Variants in ZDHHC13 observed in about 807,000 individuals in gnomAD.
ZDHHC13 encodes zDHHC palmitoyltransferase 13, also known as palmitoyltransferase ZDHHC13.
Under a neutral mutation model 86.0 loss-of-function variants are expected in ZDHHC13, and 85 were observed. That is an observed-to-expected ratio of 0.99 (90% CI 0.83 to 1.18). The LOEUF is 1.18. Among genes scored for constraint, ZDHHC13 ranks in the 50% most tolerant of loss-of-function variants. The pLI is 0.00. For synonymous variants in ZDHHC13, 263 were observed against 246.4 expected, an observed-to-expected ratio of 1.07 and a Z score of -0.63; for missense variants, 711 against 730.2, an observed-to-expected ratio of 0.97 and a Z score of 0.30.
chr11:19,163,494 C>G (rs1724267044), intron 11 of ZDHHC13, 67 bp downstream of exon 11: 1 of 1,440,954 alleles, frequency 6.9e-7, no homozygotes, highest in Non-Finnish European at 9.1e-7. Flanking sequence ...TTTATATGCA[C>G]ATATGCAGAT....
In ZDHHC13 at chr11:19,141,868, G is replaced by C. The variant is rs370091905; in HGVS notation, c.28-1110G>C. ...TCCGAATGTAACATTTGTTGATTCA[G>C]CTAGTGGGACTATCTTGGCAGTCAT... On this transcript the variant is annotated intron_variant, in intron 1 of 16. Coordinates refer to ENST00000446113, the MANE Select transcript of ZDHHC13 (RefSeq NM_019028.3). Among the ~76,000 whole-genome samples the C allele has an allele frequency of 1.6e-4, 24 of 152,186 alleles. 1 individual carries two copies. The East Asian group carries it at 2.5e-3, about 16-fold the overall frequency.
At chr11:19,146,425 C>T (rs552240817) in intron 3 of ZDHHC13, 122 bp downstream of exon 3, 1 of 1,164,356 alleles carries the variant, frequency 8.6e-7, no homozygotes, top group African/African-American at 1.6e-5. Context: ...ACACCCGAAA[C>T]TTTTTCTGCC....
chr11:19,150,702 T>C (rs765897570), intron 5 of ZDHHC13, 25 bp from the exon 6 acceptor site: 11 of 1,590,730 alleles, frequency 6.9e-6, no homozygotes, highest in Non-Finnish European at 9.5e-6. Flanking sequence ...TTTACAGTTA[T>C]GCTAATTGTC....
chr11:19,159,005 G>A lies in ZDHHC13; in HGVS notation c.1073G>A (p.Trp358Ter), dbSNP rs1239126649. 6 of 1,547,868 alleles carry A rather than the reference G, an allele frequency of 3.9e-6. No individual in the cohort carries two copies. Among genetic ancestry groups the A allele is most frequent in the Non-Finnish European group, 5.2e-6 (6 of 1,145,310 alleles). Reference sequence around the variant, plus strand: ...GCCTTTCTGCTAAGTTCTGTTTTTTGGATATTTATGACTTGGTTCATCTTA... The same window carrying A: ...GCCTTTCTGCTAAGTTCTGTTTTTTAGATATTTATGACTTGGTTCATCTTA... ...PTAFLLSSVF[W>*]IFMTWFILFF... The change falls in exon 10 of 17, where the codon TGG becomes TAG. Residue 358 changes from tryptophan to a stop codon, truncating the protein, a stop_gained. Coordinates refer to ENST00000446113, the MANE Select transcript of ZDHHC13 (RefSeq NM_019028.3). LOFTEE classifies it high-confidence loss of function.
intron 10 of ZDHHC13, among the ~76,000 whole-genome samples, chr11:19,162,136 G>A (rs1849928303): frequency 6.6e-6 from 1 of 152,150 alleles, no homozygotes; most frequent in South Asian, 2.1e-4. Context: ...GGAAGCCAAT[G>A]CACTATGTAG....
chr11:19,155,935 T>C lies in ZDHHC13; in HGVS notation c.1007+6T>C, dbSNP rs1226549347. The C allele has an allele frequency of 3.8e-6, 6 of 1,593,048 alleles. No homozygotes were observed. In the South Asian group the frequency reaches 5.8e-5, roughly 15 times the overall value. ...CTGACATCTTTGTTTCCAAGGTGTG[T>C]ATGTTAATTTTTGCAAGGCTGGTTA... On this transcript the variant is annotated splice_donor_region_variant and intron_variant, in intron 9 of 16. Transcript: ENST00000446113.
intron 10 of ZDHHC13, among the ~76,000 whole-genome samples, chr11:19,162,463 A>G (rs954789576): frequency 5.9e-5 from 9 of 152,140 alleles, no homozygotes; most frequent in African/African-American, 2.2e-4. Flanking sequence ...GAGGGAAAAT[A>G]TAAGTTAGGT....
intron 1 of ZDHHC13, among the ~76,000 whole-genome samples, chr11:19,130,651 T>A (rs1848976419): frequency 6.6e-6 from 1 of 152,188 alleles, no homozygotes; most frequent in Non-Finnish European, 1.5e-5. Flanking sequence ...TAACTTACTG[T>A]AGGCCCCCTT....
intron 5 of ZDHHC13, 85 bp from the exon 6 acceptor site, chr11:19,150,642 T>C: frequency 8.9e-7 from 1 of 1,117,516 alleles, no homozygotes; most frequent in Non-Finnish European, 1.3e-6. Context: ...TAGTATTGAA[T>C]GTATTAAAGA....
intron 13 of ZDHHC13, among the ~76,000 whole-genome samples, chr11:19,165,583 G>C (rs1035177692): frequency 1.3e-5 from 2 of 152,134 alleles, no homozygotes; most frequent in African/African-American, 4.8e-5. Flanking sequence ...CTCCAGCATT[G>C]AGAAGGCAGC....
chr11:19,142,301 A>G (rs991419684), intron 1 of ZDHHC13, among the ~76,000 whole-genome samples: 17 of 152,164 alleles, frequency 1.1e-4, no homozygotes, highest in African/African-American at 3.6e-4. Context: ...AGGCCCTCGC[A>G]TATCATGGCA....
rs749146077 is a variant in ZDHHC13 at position 19,149,171 on chromosome 11, TG to T, written c.375-15del. On this transcript the variant is annotated splice_polypyrimidine_tract_variant and intron_variant, in intron 4 of 16. Transcript: ENST00000446113. ...TTCTGCATGCTACAGAATGGCTTTT[TG>T]TCTTCTATTTGCAGACAAGGACATT... The T allele has an allele frequency of 1.2e-5, 19 of 1,525,118 alleles. No homozygotes were observed. The highest frequency in any genetic ancestry group is 1.7e-5 in the Non-Finnish European group (19 of 1,124,210). The allele number at this position is 1,525,118 out of a possible 1,614,324, so 94.5% of individuals were successfully genotyped here. A position where few individuals can be genotyped will look rare whatever the true frequency, so the allele number is the denominator to read the frequency against.
At chr11:19,144,643 A>G (rs1465319707) in intron 2 of ZDHHC13, among the ~76,000 whole-genome samples, 1 of 152,216 alleles carries the variant, frequency 6.6e-6, no homozygotes, top group East Asian at 1.9e-4. Context: ...ACACACGCAC[A>G]CACACACGCG....
intron 1 of ZDHHC13, among the ~76,000 whole-genome samples, chr11:19,135,495 G>A (rs1319796081): frequency 2.6e-5 from 4 of 152,266 alleles, no homozygotes; most frequent in Non-Finnish European, 4.4e-5. Context: ...CGAGGCTGGG[G>A]AGGGGCGCCC....
chr11:19,135,231 G>A (rs966645600), intron 1 of ZDHHC13, among the ~76,000 whole-genome samples: 2 of 152,242 alleles, frequency 1.3e-5, no homozygotes, highest in Non-Finnish European at 2.9e-5. Context: ...TGTGCGAGCC[G>A]AAGCAGGGCG....
chr11:19,147,542 C>G (rs1565030706), intron 3 of ZDHHC13, 54 bp from the exon 4 acceptor site: 5 of 1,448,034 alleles, frequency 3.5e-6, no homozygotes, highest in East Asian at 4.9e-5. Flanking sequence ...TTTTCTTTCT[C>G]AATATGAAGC....
intron 10 of ZDHHC13, among the ~76,000 whole-genome samples, chr11:19,160,169 A>T (rs1439193238): frequency 6.6e-6 from 1 of 151,996 alleles, no homozygotes. Context: ...CCATTATAGC[A>T]TGTTTTTCCT....
chr11:19,147,775 C>CCCT (rs1849505687), intron 4 of ZDHHC13, 102 bp downstream of exon 4: 1 of 754,418 alleles, frequency 1.3e-6, no homozygotes. Context: ...CTTTTCTTCC[C>CCCT]CCCCCCCCTT....
chr11:19,149,713 A>G (rs1478975307), intron 5 of ZDHHC13, among the ~76,000 whole-genome samples: 5 of 152,342 alleles, frequency 3.3e-5, no homozygotes, highest in African/African-American at 4.8e-5. Flanking sequence ...TTGAGCCCAA[A>G]TGGGAGGCCA....
Sources: gnomAD v4.1 joint callset for allele counts (sites outside exome capture counted in the v4.1 genomes callset) on GRCh38, gnomAD v4.1.1 for gene constraint, MANE v1.5 for transcripts, NCBI Gene and HGNC (gene_info 2026-07-23, HGNC 2026-07-21) for gene names.